Variants in CDC42BPA observed in about 807,000 individuals in gnomAD.
CDC42BPA encodes the protein CDC42 binding protein kinase alpha.
Under a neutral mutation model 223.5 loss-of-function variants are expected in CDC42BPA, and 80 were observed. The observed-to-expected ratio is 0.36, with a 90% confidence interval of 0.30 to 0.43. The LOEUF is 0.43. CDC42BPA is among the 20% of genes least tolerant of loss of function. The probability of loss-of-function intolerance (pLI) is 1.00; values close to 1 mark genes in which losing one functional copy is unlikely to be tolerated. For synonymous variants in CDC42BPA, 694 were observed against 718.6 expected (o/e 0.97, Z 0.55); for missense variants, 1,743 against 2,099.9 (o/e 0.83, Z 3.32).
At chr1:227,074,935 C>T (rs1929868) in intron 17 of CDC42BPA, among the ~76,000 whole-genome samples, 4 of 152,000 alleles carry the variant, frequency 2.6e-5, no homozygotes, top group African/African-American at 9.7e-5. Context: ...GGCTATCTAG[C>T]TAACGATACA....
intron 1 of CDC42BPA, chr1:227,264,784 C>T (rs1004784847): frequency 9.5e-7 from 1 of 1,053,380 alleles, no homozygotes; most frequent in African/African-American, 1.6e-5. Flanking sequence ...AAGAATCTTC[C>T]ACTGTTACCT....
chr1:227,250,474 G>A (rs1313791414), intron 2 of CDC42BPA, among the ~76,000 whole-genome samples: 2 of 151,748 alleles, frequency 1.3e-5, no homozygotes, highest in East Asian at 3.9e-4. Context: ...GGCGACAAGA[G>A]CAAAACTCCA....
chr1:227,036,294 CTTTA>C (rs1024288390), intron 24 of CDC42BPA, among the ~76,000 whole-genome samples: 4 of 151,984 alleles, frequency 2.6e-5, no homozygotes, highest in Non-Finnish European at 5.9e-5. Flanking sequence ...TCTCAATGCA[CTTTA>C]TTTATTTATT....
At chr1:227,078,327 A>T (rs541584429) in intron 17 of CDC42BPA, among the ~76,000 whole-genome samples, 71 of 152,282 alleles carry the variant, frequency 4.7e-4, no homozygotes, top group African/African-American at 1.6e-3. Flanking sequence ...TAAGTCTCAT[A>T]AGTTATCTCC....
intron 15 of CDC42BPA, among the ~76,000 whole-genome samples, chr1:227,100,747 AGTGTGT>A (rs57210205): frequency 4.6e-4 from 63 of 137,424 alleles, no homozygotes; most frequent in African/African-American, 9.7e-4. Context: ...ATACCCAGCT[AGTGTGT>A]GTGTGTGTGT....
chr1:227,295,231 GCTTATTACAAC>G (rs1343259479), intron 1 of CDC42BPA, among the ~76,000 whole-genome samples: 8 of 152,184 alleles, frequency 5.3e-5, no homozygotes, highest in African/African-American at 1.9e-4. Flanking sequence ...TGTGATCTCA[GCTTATTACAAC>G]CTACACTGCC....
chr1:227,261,781 TA>T (rs1267805718), intron 1 of CDC42BPA, among the ~76,000 whole-genome samples: 1 of 151,936 alleles, frequency 6.6e-6, no homozygotes, highest in African/African-American at 2.4e-5. Context: ...TACCTCTCAT[TA>T]AAACCAGGAC....
At chr1:227,284,078 T>G (rs1467690320) in intron 1 of CDC42BPA, among the ~76,000 whole-genome samples, 3 of 152,272 alleles carry the variant, frequency 2.0e-5, no homozygotes, top group African/African-American at 7.2e-5. Context: ...TACTTTTTAA[T>G]TAAGTGCTTT....
chr1:227,251,044 C>T (rs1681917007), intron 2 of CDC42BPA, among the ~76,000 whole-genome samples: 3 of 152,050 alleles, frequency 2.0e-5, no homozygotes, highest in South Asian at 2.1e-4. Flanking sequence ...CAAAGCAAAA[C>T]TTTGTCTCTA....
At chr1:227,077,492 G>C (rs16847005) in intron 17 of CDC42BPA, among the ~76,000 whole-genome samples, 2,551 of 152,164 alleles carry the variant, frequency 0.017, 56 homozygotes, top group African/African-American at 0.058. Flanking sequence ...CCCTTCTCCT[G>C]GTTCTCCTCT....
chr1:227,225,483 T>G (rs1017226622), intron 2 of CDC42BPA, among the ~76,000 whole-genome samples: 1 of 152,156 alleles, frequency 6.6e-6, no homozygotes, highest in East Asian at 1.9e-4. Flanking sequence ...CTCCCTGGCC[T>G]CACAGAGATT....
rs1339080815 is a variant in CDC42BPA, at chr1:227,185,605, T to TA, written c.599+8180dup. On this transcript the variant is annotated intron_variant, in intron 5 of 36. Coordinates refer to ENST00000366766, the MANE Select transcript of CDC42BPA (RefSeq NM_001394014.1). The stretch of plus-strand genomic sequence containing the variant: ...CCAGCCTTCCAGTATAGCTGGTTGA[T>TA]ACTACCTGAAAGTGGGGTTCTGTCT... 2.0e-5 allele frequency among the ~76,000 whole-genome samples: 3 copies of TA among 152,324 alleles called. No individual in the cohort carries two copies. In the South Asian group the frequency reaches 6.2e-4, roughly 32 times the overall value.
chr1:227,000,116 TAATAATAATAATAATAATAAG>T (rs1322561963), intron 35 of CDC42BPA, among the ~76,000 whole-genome samples: 69 of 126,976 alleles, frequency 5.4e-4, no homozygotes, highest in African/African-American at 1.7e-3. Flanking sequence ...ATAATAATAA[TAATAATAATAATAATAATAAG>T]CTCTCCTGAT....
intron 17 of CDC42BPA, among the ~76,000 whole-genome samples, chr1:227,078,237 T>C (rs934807162): frequency 3.3e-5 from 5 of 152,144 alleles, no homozygotes; most frequent in Non-Finnish European, 7.4e-5. Flanking sequence ...CTTGAGCAAC[T>C]AGTCTGAGAT....
chr1:227,074,679 A>G (rs1312169372), intron 17 of CDC42BPA, among the ~76,000 whole-genome samples: 32 of 152,202 alleles, frequency 2.1e-4, no homozygotes, highest in Non-Finnish European at 1.5e-5. Flanking sequence ...ACACAGATGC[A>G]CAAATGTGTG....
chr1:226,999,076 A>G (rs1396078727), intron 35 of CDC42BPA, among the ~76,000 whole-genome samples: 1 of 152,232 alleles, frequency 6.6e-6, no homozygotes, highest in African/African-American at 2.4e-5. Context: ...GAGAAATGCA[A>G]ATCAAAACCA....
At chr1:227,176,377 A>G (rs1666965962) in intron 5 of CDC42BPA, among the ~76,000 whole-genome samples, 1 of 152,198 alleles carries the variant, frequency 6.6e-6, no homozygotes, top group African/African-American at 2.4e-5. Flanking sequence ...ATAAAATTAG[A>G]ATACTCCATA....
chr1:227,007,896 A>G (rs1033240209), intron 34 of CDC42BPA, among the ~76,000 whole-genome samples: 2 of 152,324 alleles, frequency 1.3e-5, no homozygotes, highest in South Asian at 4.1e-4. Flanking sequence ...TATTTTACTA[A>G]ACGTCCTCAT....
At chr1:227,101,793 G>A (rs1320646471) in intron 14 of CDC42BPA, among the ~76,000 whole-genome samples, 1 of 152,088 alleles carries the variant, frequency 6.6e-6, no homozygotes, top group African/African-American at 2.4e-5. Flanking sequence ...AAAACGGTAG[G>A]TCTCTTCACT....
Sources: allele counts gnomAD v4.1 joint callset (sites outside exome capture counted in the v4.1 genomes callset), GRCh38; gene constraint gnomAD v4.1.1; transcripts MANE v1.5; gene names NCBI Gene and HGNC (gene_info 2026-07-23, HGNC 2026-07-21).